SORCS3: variants seen among roughly 807,000 people sequenced by gnomAD.
SORCS3 encodes the protein VPS10 domain-containing receptor SorCS3.
In SORCS3, 57 loss-of-function variants were observed where a neutral mutation model predicts 146.3. That is an observed-to-expected ratio of 0.39 (90% confidence interval 0.31 to 0.49). SORCS3 has a LOEUF of 0.49. Ranked by LOEUF, SORCS3 falls within the 20% of genes least tolerant of loss-of-function variation. The pLI, the probability that SORCS3 is intolerant of heterozygous loss-of-function variation, is 0.92. For missense variants in SORCS3, 1,341 were observed against 1,575.5 expected (o/e 0.85, Z 2.52); for synonymous variants, 653 against 618.5 (o/e 1.06, Z -0.83).
At chr10:104,776,005 G>T (rs2017303569) in intron 1 of SORCS3, among the ~76,000 whole-genome samples, 1 of 152,164 alleles carries the variant, frequency 6.6e-6, no homozygotes, top group Non-Finnish European at 1.5e-5. Flanking sequence ...AGCACTAAGG[G>T]TCTAGAAGTG....
At chr10:105,176,078 A>G (rs923970936) in intron 13 of SORCS3, among the ~76,000 whole-genome samples, 39 of 152,332 alleles carry the variant, frequency 2.6e-4, no homozygotes, top group African/African-American at 8.7e-4. Context: ...GAGTGCCAGT[A>G]TAAGTCATGC....
intron 20 of SORCS3, among the ~76,000 whole-genome samples, chr10:105,223,655 G>T (rs1238273744): frequency 6.6e-6 from 1 of 152,186 alleles, no homozygotes; most frequent in Non-Finnish European, 1.5e-5. Flanking sequence ...AATTAAACAA[G>T]ATAACCCAGG....
At chr10:105,233,088 CT>C (rs1029836101) in intron 20 of SORCS3, among the ~76,000 whole-genome samples, 7 of 150,728 alleles carry the variant, frequency 4.6e-5, no homozygotes, top group Admixed American at 4.6e-4. Flanking sequence ...GATTTTATTT[CT>C]TTTTTTGTAT....
At chr10:105,169,635 G>A (rs2056343653) in intron 13 of SORCS3, among the ~76,000 whole-genome samples, 2 of 152,096 alleles carry the variant, frequency 1.3e-5, no homozygotes, top group Non-Finnish European at 2.9e-5. Flanking sequence ...AGGTGGGTAG[G>A]ACTCAGACGA....
chr10:104,783,505 G>A (rs1423596538), intron 1 of SORCS3, among the ~76,000 whole-genome samples: 7 of 152,266 alleles, frequency 4.6e-5, no homozygotes, highest in South Asian at 4.1e-4. Flanking sequence ...GGACCGAGGC[G>A]GGTGGATCAC....
intron 3 of SORCS3, among the ~76,000 whole-genome samples, chr10:104,965,000 G>A (rs1240404978): frequency 2.0e-5 from 3 of 152,034 alleles, no homozygotes; most frequent in African/African-American, 7.3e-5. Flanking sequence ...ATTTCACTTT[G>A]CATAATGTCT....
At chr10:104,806,258 T>C (rs1298940765) in intron 1 of SORCS3, among the ~76,000 whole-genome samples, 1 of 152,162 alleles carries the variant, frequency 6.6e-6, no homozygotes, top group Non-Finnish European at 1.5e-5. Context: ...GTGTCCTTCC[T>C]TTGTGCCCAG....
At chr10:105,238,048 C>G (rs1172983661) in intron 20 of SORCS3, among the ~76,000 whole-genome samples, 1 of 152,066 alleles carries the variant, frequency 6.6e-6, no homozygotes, top group Non-Finnish European at 1.5e-5. Flanking sequence ...GAGATTATGT[C>G]CCCAATAAGA....
intron 3 of SORCS3, among the ~76,000 whole-genome samples, chr10:104,972,357 CA>C (rs1380868722): frequency 1.3e-5 from 2 of 152,154 alleles, no homozygotes; most frequent in African/African-American, 4.8e-5. Flanking sequence ...CTTTTCATTA[CA>C]ATATTTCTGT....
chr10:105,148,793 A>G (rs2167623), intron 9 of SORCS3, among the ~76,000 whole-genome samples: 79,062 of 151,766 alleles, frequency 0.52, 20,899 homozygotes, highest in Middle Eastern at 0.56. Context: ...GCCTGTCAAA[A>G]TCCCAGCAGC....
intron 17 of SORCS3, 49 bp from the exon 18 acceptor site, chr10:105,214,390 GCAA>G (rs1430117931): frequency 1.4e-6 from 2 of 1,468,556 alleles, no homozygotes; most frequent in Admixed American, 3.5e-5. Context: ...ACATACAACA[GCAA>G]CAACAACACA....
intron 1 of SORCS3, among the ~76,000 whole-genome samples, chr10:104,743,198 T>G (rs1321287569): frequency 6.6e-6 from 1 of 152,130 alleles, no homozygotes; most frequent in African/African-American, 2.4e-5. Context: ...ATGCTGAGTG[T>G]CAGTCTCTGC....
chr10:105,037,475 C>T (rs2055314248), intron 4 of SORCS3, among the ~76,000 whole-genome samples: 1 of 152,108 alleles, frequency 6.6e-6, no homozygotes, highest in Non-Finnish European at 1.5e-5. Flanking sequence ...TAGGGGAAAC[C>T]TTCCTTGCCT....
chr10:105,092,011 T>G (rs150552445), intron 6 of SORCS3, among the ~76,000 whole-genome samples: 2 of 152,324 alleles, frequency 1.3e-5, no homozygotes, highest in East Asian at 3.9e-4. Context: ...GAATCCCTTC[T>G]CCCAAAACTC....
At chr10:104,745,483 C>T (rs897873486) in intron 1 of SORCS3, among the ~76,000 whole-genome samples, 11 of 152,110 alleles carry the variant, frequency 7.2e-5, no homozygotes, top group Non-Finnish European at 1.0e-4. Context: ...AAATAGTGTA[C>T]ACCCTTGAAA....
intron 1 of SORCS3, among the ~76,000 whole-genome samples, chr10:104,713,286 G>A (rs1331288357): frequency 1.3e-5 from 2 of 152,150 alleles, no homozygotes; most frequent in Non-Finnish European, 2.9e-5. Flanking sequence ...GCATGTGGGT[G>A]GTGGTAACAA....
chr10:104,756,573 G>A (rs2017054855), intron 1 of SORCS3, among the ~76,000 whole-genome samples: 1 of 152,184 alleles, frequency 6.6e-6, no homozygotes, highest in Admixed American at 6.5e-5. Flanking sequence ...GTGGGTGAAA[G>A]GTGGAGCTGG....
intron 25 of SORCS3, among the ~76,000 whole-genome samples, chr10:105,260,315 T>A (rs747462385): frequency 6.6e-6 from 1 of 152,244 alleles, no homozygotes; most frequent in Non-Finnish European, 1.5e-5. Flanking sequence ...ATATTACGGT[T>A]GATCCCAACC....
chr10:104,888,956 A>G (rs560392670), intron 2 of SORCS3, among the ~76,000 whole-genome samples: 4 of 152,314 alleles, frequency 2.6e-5, no homozygotes, highest in Non-Finnish European at 4.4e-5. Flanking sequence ...ACTTTAGGTC[A>G]TATATTTTGG....
Sources: allele counts gnomAD v4.1 joint callset (sites outside exome capture counted in the v4.1 genomes callset), GRCh38; gene constraint gnomAD v4.1.1; transcripts MANE v1.5; gene names NCBI Gene and HGNC (gene_info 2026-07-23, HGNC 2026-07-21).